Variants in BLACAT1 observed in about 807,000 individuals in gnomAD.
BLACAT1 encodes BLACAT1 overlapping LEMD1 locus, also known as bladder cancer associated transcript 1.
At chr1:205,447,696 C>A (rs1190354571) in intron 1 of BLACAT1, among the ~76,000 whole-genome samples, 1 of 152,018 alleles carries the variant, frequency 6.6e-6, no homozygotes, top group Non-Finnish European at 1.5e-5. Context: ...GAGGGGGCAG[C>A]TCCTGGAGAT....
At chr1:205,449,137 C>T (rs935594481) in intron 1 of BLACAT1, among the ~76,000 whole-genome samples, 3 of 152,164 alleles carry the variant, frequency 2.0e-5, no homozygotes, top group Non-Finnish European at 4.4e-5. Flanking sequence ...GGGAGGGGTG[C>T]GCAGTGCCCT....
In BLACAT1 at chr1:205,450,558, C is replaced by T. The variant is rs1172406560; in HGVS notation, c.-37+5359G>A. On this transcript the variant is annotated intron_variant, in intron 1 of 1. Transcript: ENST00000629624. The surrounding 1 kb of genome is among the most constrained non-coding windows in gnomAD (Gnocchi z 4.4). ...ACAAGGTCAGCACTTATCTGTCCTT[C>T]CATTTCCTTTCTCAGACCTGCTCGA... 6.6e-6 allele frequency among the ~76,000 whole-genome samples: 1 copy of T among 151,962 alleles called. No homozygotes were observed. The highest frequency in any genetic ancestry group is 1.5e-5 in the Non-Finnish European group (1 of 67,992).
Position 205,448,495 on chromosome 1 carries a change from C to T in BLACAT1, c.-37+7422G>A. 1 of 462,298 alleles carries T rather than the reference C, an allele frequency of 2.2e-6. No individual in the cohort carries two copies. The highest frequency in any genetic ancestry group is 1.5e-5 in the South Asian group (1 of 64,570). The allele number at this position is 462,298 out of a possible 1,614,324, so 28.6% of individuals were successfully genotyped here. Reference sequence around the variant, plus strand: ...CTCAGCACCCCCGACCCCAGACCCACCCACACTGCCTCCCTCCAGGACTGG... The same window carrying T: ...CTCAGCACCCCCGACCCCAGACCCATCCACACTGCCTCCCTCCAGGACTGG... On this transcript the variant is annotated intron_variant, in intron 1 of 1. Transcript: ENST00000629624. The surrounding 1 kb of genome is among the most constrained non-coding windows in gnomAD (Gnocchi z 4.7).
chr1:205,443,229 C>G (rs1390607212), intron 1 of BLACAT1, among the ~76,000 whole-genome samples: 1 of 152,162 alleles, frequency 6.6e-6, no homozygotes, highest in African/African-American at 2.4e-5. Context: ...TAAAACAAGC[C>G]AGGCAGGTAG....
chr1:205,449,131 G>A (rs1666452321), intron 1 of BLACAT1, among the ~76,000 whole-genome samples: 2 of 152,190 alleles, frequency 1.3e-5, no homozygotes, highest in Admixed American at 6.5e-5. Context: ...GGCTGTGGGA[G>A]GGGTGCGCAG....
chr1:205,453,677 GGGGGA>G (rs1666525515), intron 1 of BLACAT1, among the ~76,000 whole-genome samples: 1 of 152,072 alleles, frequency 6.6e-6, no homozygotes, highest in Admixed American at 6.5e-5. Flanking sequence ...GGCAGAAGCT[GGGGGA>G]GTCTCCGCAG....
At chr1:205,443,552 C>T (rs1234231181) in intron 1 of BLACAT1, among the ~76,000 whole-genome samples, 1 of 152,134 alleles carries the variant, frequency 6.6e-6, no homozygotes, top group Middle Eastern at 3.2e-3. Flanking sequence ...GCCTGGCTCC[C>T]GAGAGGTGTT....
Position 205,441,337 on chromosome 1 carries a change from G to C in BLACAT1, c.-36-275C>G, listed in dbSNP as rs952649501. On this transcript the variant is annotated intron_variant, in intron 1 of 1. Transcript: ENST00000629624. The surrounding 1 kb of genome is among the most constrained non-coding windows in gnomAD (Gnocchi z 4.3). The stretch of plus-strand genomic sequence containing the variant: ...AAGGGAGGAAAGAGAATGCCCAGCT[G>C]CTGCCTCCTTTTTTCCCCTCCCACC... 1.3e-5 allele frequency among the ~76,000 whole-genome samples: 2 copies of C among 152,164 alleles called. No individual in the cohort carries two copies. Among genetic ancestry groups the C allele is most frequent in the Admixed American group, 6.5e-5 (1 of 15,270 alleles).
Position 205,441,018 on chromosome 1 carries a change from C to T in BLACAT1, c.9G>A (p.Gln3=), listed in dbSNP as rs1666285767. 1 of 152,434 alleles carries T rather than the reference C, an allele frequency of 6.6e-6. No individual in the cohort carries two copies. Among genetic ancestry groups the T allele is most frequent in the Non-Finnish European group, 1.5e-5 (1 of 68,144 alleles). The allele number at this position is 152,434 out of a possible 1,614,324, so 9.4% of individuals were successfully genotyped here. ...GACCACAGAAGCAGGCGAAAGTGAA[C>T]TGGGGCATGCCCTACGCCAGGCTGG... The change falls in exon 2 of 2, where the codon CAG becomes CAA. Residue 3 remains glutamine, a synonymous_variant. Coordinates refer to ENST00000629624, the Ensembl canonical transcript of BLACAT1. This position sits in a 1 kb window ranked among gnomAD's most constrained non-coding sequence, Gnocchi z 4.3.
At chr1:205,449,321 G>T (rs528847811) in intron 1 of BLACAT1, among the ~76,000 whole-genome samples, 1 of 152,132 alleles carries the variant, frequency 6.6e-6, no homozygotes. Context: ...CAGCTTCAGA[G>T]AAGTGGGCTT....
In BLACAT1 at chr1:205,447,475, CAG is replaced by C. The variant is rs202052997; in HGVS notation, c.-36-6415_-36-6414del. ...GTCTTAGACAGACTGGGGACTGGAA[CAG>C]GGAGTAGGAGGCGGGGTACGAGGAT... is the stretch of plus-strand genomic sequence containing the variant. On this transcript the variant is annotated intron_variant, in intron 1 of 1. Transcript: ENST00000629624. 5.7e-3 allele frequency among the ~76,000 whole-genome samples: 873 copies of C among 152,180 alleles called. 14 individuals are homozygous for C. Among genetic ancestry groups the C allele is most frequent in the South Asian group, 0.032 (155 of 4,822 alleles).
chr1:205,444,817 C>G (rs912712814), intron 1 of BLACAT1, among the ~76,000 whole-genome samples: 4 of 152,000 alleles, frequency 2.6e-5, no homozygotes, highest in South Asian at 2.1e-4. Flanking sequence ...GCGCCCCCCA[C>G]GACCCATCCC....
intron 1 of BLACAT1, among the ~76,000 whole-genome samples, chr1:205,455,444 A>T (rs917646330): frequency 6.6e-6 from 1 of 152,106 alleles, no homozygotes; most frequent in Non-Finnish European, 1.5e-5. Context: ...TTCCAAGGGT[A>T]CCAGACAAAC....
At chr1:205,443,696 G>C (rs993691257) in intron 1 of BLACAT1, among the ~76,000 whole-genome samples, 1 of 152,176 alleles carries the variant, frequency 6.6e-6, no homozygotes, top group South Asian at 2.1e-4. Context: ...TCTCTAACAG[G>C]GTCTCTAAAA....
downstream of BLACAT1, among the ~76,000 whole-genome samples, chr1:205,439,342 G>A (rs1186067313): frequency 1.3e-5 from 2 of 152,208 alleles, no homozygotes; most frequent in African/African-American, 2.4e-5. Flanking sequence ...AGGAGGTAGG[G>A]GCAAAGGAAG....
intron 1 of BLACAT1, among the ~76,000 whole-genome samples, chr1:205,445,595 C>CT (rs34785653): frequency 0.64 from 97,916 of 152,074 alleles, 34,943 homozygotes; most frequent in East Asian, 0.88. Flanking sequence ...GCTCCCTCCA[C>CT]TTTTCCAGAC....
intron 1 of BLACAT1, among the ~76,000 whole-genome samples, chr1:205,452,593 T>A (rs955443222): frequency 6.6e-6 from 1 of 152,230 alleles, no homozygotes; most frequent in African/African-American, 2.4e-5. Flanking sequence ...GATCCTTGCA[T>A]CTGGAATTAA....
intron 1 of BLACAT1, among the ~76,000 whole-genome samples, chr1:205,443,945 A>G (rs1336365523): frequency 6.6e-6 from 1 of 152,128 alleles, no homozygotes; most frequent in African/African-American, 2.4e-5. Context: ...TTGCTCGAGC[A>G]GGAGTCCTGT....
At chr1:205,454,474 C>G (rs1315683427) in intron 1 of BLACAT1, among the ~76,000 whole-genome samples, 3 of 151,460 alleles carry the variant, frequency 2.0e-5, no homozygotes, top group Non-Finnish European at 4.4e-5. Context: ...TGGGAGGGGC[C>G]CTGAGTCTCA....
Sources: allele counts gnomAD v4.1 joint callset (sites outside exome capture counted in the v4.1 genomes callset), GRCh38; gene constraint gnomAD v4.1.1; non-coding constraint Gnocchi (gnomAD v3.1); transcripts MANE v1.5; gene names NCBI Gene and HGNC (gene_info 2026-07-23, HGNC 2026-07-21).